LAMA2: variants seen among roughly 807,000 people sequenced by gnomAD.
The protein encoded by LAMA2 is laminin subunit alpha 2, also known as laminin subunit alpha-2.
Under a neutral mutation model 364.8 loss-of-function variants are expected in LAMA2, and 269 were observed. That is an observed-to-expected ratio of 0.74 (90% CI 0.67 to 0.82). The LOEUF (loss-of-function observed/expected upper bound fraction) is 0.82. LAMA2 is among the 40% of genes least tolerant of loss of function. The pLI is 0.00. For synonymous variants in LAMA2, 1,379 were observed against 1,370.6 expected (o/e 1.01, Z -0.14); for missense variants, 3,807 against 3,873.2 (o/e 0.98, Z 0.45).
chr6:129,264,796 A>C lies in LAMA2; in HGVS notation c.2209-2310A>C, dbSNP rs547079291. Among the ~76,000 whole-genome samples the C allele has an allele frequency of 9.8e-4, 150 of 152,310 alleles. 1 individual carries two copies. The highest frequency in any genetic ancestry group is 1.7e-3 in the Non-Finnish European group (116 of 68,016). ...ATAAAATGCAATTGCAGAATTGTCC[A>C]TCGAATTTGGCTGCATGGAATTTGG... is the stretch of plus-strand genomic sequence containing the variant. On this transcript the variant is annotated intron_variant, in intron 15 of 64. Transcript: ENST00000421865.
intron 29 of LAMA2, among the ~76,000 whole-genome samples, chr6:129,338,055 T>C (rs1489175407): frequency 1.3e-5 from 2 of 152,166 alleles, no homozygotes; most frequent in Admixed American, 6.5e-5. Context: ...ATTGAGAAGA[T>C]TGACTGTCCA....
At chr6:128,927,001 A>T (rs1159578931) in intron 1 of LAMA2, among the ~76,000 whole-genome samples, 1 of 152,230 alleles carries the variant, frequency 6.6e-6, no homozygotes, top group Non-Finnish European at 1.5e-5. Flanking sequence ...GGTATAAACC[A>T]TCGAGCAAGC....
At chr6:129,129,438 T>C (rs1777316027) in intron 4 of LAMA2, among the ~76,000 whole-genome samples, 3 of 152,202 alleles carry the variant, frequency 2.0e-5, no homozygotes, top group Admixed American at 2.0e-4. Flanking sequence ...TACATACAGA[T>C]TGTACACATT....
At chr6:128,896,723 G>A (rs1005346865) in intron 1 of LAMA2, among the ~76,000 whole-genome samples, 4 of 152,074 alleles carry the variant, frequency 2.6e-5, no homozygotes, top group Non-Finnish European at 5.9e-5. Context: ...CATTCACCCA[G>A]AATCTGAAAT....
At chr6:129,505,060 T>TAATG in intron 60 of LAMA2, 140 bp from the exon 61 acceptor site, 1 of 737,306 alleles carries the variant, frequency 1.4e-6, no homozygotes, top group Non-Finnish European at 2.4e-6. Context: ...TTCCCATATA[T>TAATG]AATGGGCTTA....
intron 4 of LAMA2, among the ~76,000 whole-genome samples, chr6:129,114,424 A>G (rs1311622426): frequency 2.6e-5 from 4 of 152,080 alleles, no homozygotes; most frequent in African/African-American, 9.7e-5. Context: ...ATTCAAAACT[A>G]AATGACATTC....
intron 12 of LAMA2, among the ~76,000 whole-genome samples, chr6:129,228,182 C>A (rs970496499): frequency 6.6e-6 from 1 of 152,124 alleles, no homozygotes; most frequent in African/African-American, 2.4e-5. Context: ...ATTGGAAAAG[C>A]GTGGTATTAG....
intron 4 of LAMA2, among the ~76,000 whole-genome samples, chr6:129,106,298 G>T (rs1775819650): frequency 6.6e-6 from 1 of 151,910 alleles, no homozygotes. Context: ...TGCAAATACA[G>T]GAGAAGGAAG....
intron 14 of LAMA2, among the ~76,000 whole-genome samples, chr6:129,256,360 T>C (rs577456715): frequency 1.3e-5 from 2 of 152,268 alleles, no homozygotes; most frequent in South Asian, 4.1e-4. Flanking sequence ...GCCTGTATCA[T>C]AGTACACAGA....
intron 55 of LAMA2, among the ~76,000 whole-genome samples, chr6:129,481,977 T>A (rs2784900): frequency 0.34 from 52,332 of 151,950 alleles, 10,165 homozygotes; most frequent in African/African-American, 0.54. Context: ...AGGGACAATT[T>A]TATCCCAATA....
intron 4 of LAMA2, among the ~76,000 whole-genome samples, chr6:129,102,130 CTTTTTTT>C (rs10713380): frequency 4.6e-5 from 6 of 130,364 alleles, no homozygotes. Context: ...TTCTTTCTTT[CTTTTTTT>C]TTTTTTTTTG....
intron 34 of LAMA2, among the ~76,000 whole-genome samples, chr6:129,377,112 T>G (rs1033594212): frequency 6.6e-6 from 1 of 152,152 alleles, no homozygotes; most frequent in African/African-American, 2.4e-5. Flanking sequence ...TATTTTGTTT[T>G]CATTGATAAA....
chr6:129,251,080 A>G (rs396037), intron 13 of LAMA2, among the ~76,000 whole-genome samples: 8 of 53,462 alleles, frequency 1.5e-4, no homozygotes, highest in African/African-American at 4.8e-4. Flanking sequence ...CTCTCTCTAT[A>G]TATATATATA....
At chr6:129,162,014 C>T (rs137869265) in intron 8 of LAMA2, among the ~76,000 whole-genome samples, 17 of 152,232 alleles carry the variant, frequency 1.1e-4, no homozygotes, top group East Asian at 5.8e-4. Flanking sequence ...TGGGCATATA[C>T]GCAGTAATGG....
rs79332438 is a variant in LAMA2, at chr6:129,466,566, G to A, written c.7300+1277G>A. On this transcript the variant is annotated intron_variant, in intron 51 of 64. Coordinates refer to ENST00000421865, the MANE Select transcript of LAMA2 (RefSeq NM_000426.4). ...TGCTGCATACATTGTTCCTGTGTAAGAGAGGCACAATGCACATTTGCATGT... is the reference window on the plus strand; with the variant it reads ...TGCTGCATACATTGTTCCTGTGTAAAAGAGGCACAATGCACATTTGCATGT... 7.5e-3 allele frequency among the ~76,000 whole-genome samples: 1,142 copies of A among 152,072 alleles called. 9 individuals carry two copies. The highest frequency in any genetic ancestry group is 0.027 in the African/African-American group (1,102 of 41,524).
intron 29 of LAMA2, among the ~76,000 whole-genome samples, chr6:129,330,818 A>G (rs1006240117): frequency 5.4e-5 from 8 of 148,726 alleles, no homozygotes; most frequent in South Asian, 2.1e-4. Context: ...CTTATTTTTT[A>G]CTCAAGTGAA....
Position 129,205,264 on chromosome 6 carries a change from C to T in LAMA2, c.1782+12411C>T, listed in dbSNP as rs981609665. ...AAAATTAGCTGGACCTAGTGGCACA[C>T]GCCTGTAGTCCCAGCTACTTGAGAG... On this transcript the variant is annotated intron_variant, in intron 12 of 64. Transcript: ENST00000421865. Among the ~76,000 whole-genome samples the T allele has an allele frequency of 8.6e-5, 13 of 151,600 alleles. No homozygotes were observed. In the South Asian group the frequency reaches 1.3e-3, roughly 15 times the overall value.
At position 129,019,703 on chromosome 6, in the gene LAMA2, G is replaced by A. The variant is rs944632685; in HGVS notation, c.113-30215G>A. Among the ~76,000 whole-genome samples the A allele has an allele frequency of 3.3e-5, 5 of 152,000 alleles. No individual in the cohort carries two copies. In the South Asian group the frequency reaches 6.2e-4, roughly 19 times the overall value. On this transcript the variant is annotated intron_variant, in intron 1 of 64. Coordinates refer to ENST00000421865, the MANE Select transcript of LAMA2 (RefSeq NM_000426.4). ...TTCTTTTCCATGAGGGACTATTTAC[G>A]CAACAATCTACATAATCTTTATTCC...
chr6:129,016,716 A>G (rs1425994837), intron 1 of LAMA2, among the ~76,000 whole-genome samples: 1 of 151,872 alleles, frequency 6.6e-6, no homozygotes, highest in Non-Finnish European at 1.5e-5. Flanking sequence ...TATGGGCAAT[A>G]TTCTCTTTTG....
Sources: gnomAD v4.1 joint callset for allele counts (sites outside exome capture counted in the v4.1 genomes callset) on GRCh38, gnomAD v4.1.1 for gene constraint, MANE v1.5 for transcripts, NCBI Gene and HGNC (gene_info 2026-07-23, HGNC 2026-07-21) for gene names.